Variants in PDE4D observed in about 807,000 individuals in gnomAD.
The protein encoded by PDE4D is 3',5'-cyclic-AMP phosphodiesterase 4D.
PDE4D carries 24 observed loss-of-function variants against 87.4 expected under a neutral mutation model. That is an observed-to-expected ratio of 0.27 (90% CI 0.20 to 0.39). The LOEUF (loss-of-function observed/expected upper bound fraction) is 0.39, where lower values mean the gene tolerates loss of function less well. PDE4D is among the 10% of genes least tolerant of loss of function. The pLI, the probability that PDE4D is intolerant of heterozygous loss-of-function variation, is 1.00. For synonymous variants in PDE4D, 384 were observed against 383.2 expected (o/e 1.00, Z -0.02); for missense variants, 714 against 1,041.0 (o/e 0.69, Z 4.32).
At position 58,972,845 on chromosome 5, in the gene PDE4D, T is replaced by G. The variant is rs1028314647; in HGVS notation, c.*1819A>C. On this transcript the variant is annotated 3_prime_UTR_variant, in exon 15 of 15. Transcript: ENST00000340635. The stretch of plus-strand genomic sequence containing the variant: ...TGGTGCTGAAATCAGCCAAGAGTGA[T>G]CTCTAATTTTTTATTTAACCAGAAT... The G allele has an allele frequency of 2.0e-5, 3 of 151,972 alleles. No individual in the cohort carries two copies. The highest frequency in any genetic ancestry group is 4.4e-5 in the Non-Finnish European group (3 of 67,998). The allele number at this position is 151,972 out of a possible 1,614,324, so 9.4% of individuals were successfully genotyped here. A position where few individuals can be genotyped will look rare whatever the true frequency, so the allele number is the denominator to read the frequency against.
intron 1 of PDE4D, among the ~76,000 whole-genome samples, chr5:59,857,455 A>C (rs892032772): frequency 6.6e-6 from 1 of 152,184 alleles, no homozygotes; most frequent in Non-Finnish European, 1.5e-5. Context: ...AAAATATATG[A>C]AAAAGAATAC....
intron 6 of PDE4D, among the ~76,000 whole-genome samples, chr5:58,996,353 C>T (rs992635431): frequency 6.6e-6 from 1 of 152,124 alleles, no homozygotes; most frequent in African/African-American, 2.4e-5. Flanking sequence ...AAAGCATATT[C>T]CAAAGAAAAG....
chr5:60,432,385 A>C (rs191123491), intron 1 of PDE4D, among the ~76,000 whole-genome samples: 1 of 152,150 alleles, frequency 6.6e-6, no homozygotes, highest in Non-Finnish European at 1.5e-5. Flanking sequence ...GTGTGGTCCA[A>C]GGCTTTTTCT....
intron 2 of PDE4D, among the ~76,000 whole-genome samples, chr5:60,023,091 T>C (rs1481493240): frequency 2.0e-5 from 3 of 152,106 alleles, no homozygotes; most frequent in African/African-American, 7.2e-5. Context: ...ATCCTGACAC[T>C]CACTTGTTTG....
At chr5:59,577,945 G>A (rs1823448209) in intron 1 of PDE4D, among the ~76,000 whole-genome samples, 1 of 152,074 alleles carries the variant, frequency 6.6e-6, no homozygotes, top group African/African-American at 2.4e-5. Flanking sequence ...ATCAGTTCTG[G>A]TTAAAGTCAT....
Position 59,256,107 on chromosome 5 carries a change from G to A in PDE4D, c.456-40139C>T, listed in dbSNP as rs566499586. 2.7e-4 allele frequency among the ~76,000 whole-genome samples: 41 copies of A among 152,222 alleles called. 1 individual carries two copies. The South Asian group carries it at 8.1e-3, about 30-fold the overall frequency. Reference sequence around the variant, plus strand: ...AAAAGATAGACAAGAAATCCTTAAAGTAATGCAGCTAAAGAATATCCCTTA... The same window carrying A: ...AAAAGATAGACAAGAAATCCTTAAAATAATGCAGCTAAAGAATATCCCTTA... On this transcript the variant is annotated intron_variant, in intron 1 of 14. Transcript: ENST00000340635.
chr5:59,463,232 T>C (rs1801045115), intron 1 of PDE4D, among the ~76,000 whole-genome samples: 1 of 152,184 alleles, frequency 6.6e-6, no homozygotes, highest in African/African-American at 2.4e-5. Context: ...TATTGAAACA[T>C]GACGTTTGTT....
At chr5:59,185,140 C>T in intron 4 of PDE4D, 49 bp downstream of exon 4, 8 of 1,453,500 alleles carry the variant, frequency 5.5e-6, no homozygotes, top group Non-Finnish European at 7.7e-6. Flanking sequence ...GTTGAGAAAA[C>T]TTATTTAAAA....
intron 1 of PDE4D, among the ~76,000 whole-genome samples, chr5:59,682,543 G>A (rs1391277219): frequency 6.6e-6 from 1 of 152,186 alleles, no homozygotes; most frequent in Non-Finnish European, 1.5e-5. Context: ...TCAGCAATAT[G>A]ATGGTATTTA....
chr5:59,616,261 A>G (rs1429094039), intron 1 of PDE4D, among the ~76,000 whole-genome samples: 1 of 152,136 alleles, frequency 6.6e-6, no homozygotes, highest in African/African-American at 2.4e-5. Flanking sequence ...TTTTAAAACA[A>G]TATTTTTTAT....
At chr5:59,635,552 G>A (rs775522334) in intron 1 of PDE4D, among the ~76,000 whole-genome samples, 16 of 152,242 alleles carry the variant, frequency 1.1e-4, no homozygotes, top group South Asian at 2.1e-4. Flanking sequence ...CGATCAAGTC[G>A]GCTTCATCCC....
Position 59,015,444 on chromosome 5 carries a change from C to A in PDE4D, c.922-21979G>T, listed in dbSNP as rs1371185907. On this transcript the variant is annotated intron_variant, in intron 6 of 14. Coordinates refer to ENST00000340635, the MANE Select transcript of PDE4D (RefSeq NM_001104631.2). ...ATTTACAAGAAAAAATCAAACAACCCCATCAAAAAGTGGGTGAAGTATATG... is the reference window on the plus strand; with the variant it reads ...ATTTACAAGAAAAAATCAAACAACCACATCAAAAAGTGGGTGAAGTATATG... Among the ~76,000 whole-genome samples, 92 of 152,006 alleles carry A rather than the reference C, an allele frequency of 6.1e-4. 1 individual carries two copies. Among genetic ancestry groups the A allele is most frequent in the Admixed American group, 3.9e-3 (59 of 15,254 alleles).
chr5:60,119,537 C>G (rs1271390919), intron 2 of PDE4D, among the ~76,000 whole-genome samples: 1 of 152,170 alleles, frequency 6.6e-6, no homozygotes, highest in Non-Finnish European at 1.5e-5. Flanking sequence ...ATTAGATTTT[C>G]TGGATTTAAA....
chr5:59,196,141 A>C (rs1407602341), intron 2 of PDE4D, among the ~76,000 whole-genome samples: 1 of 152,226 alleles, frequency 6.6e-6, no homozygotes, highest in Non-Finnish European at 1.5e-5. Context: ...AGTAAAAAGA[A>C]TGTTATCACA....
intron 1 of PDE4D, among the ~76,000 whole-genome samples, chr5:60,213,473 C>T (rs1020479604): frequency 3.3e-5 from 5 of 152,148 alleles, no homozygotes; most frequent in Admixed American, 2.6e-4. Context: ...GGATGATTCT[C>T]TTGAGACCAG....
intron 5 of PDE4D, among the ~76,000 whole-genome samples, chr5:59,162,039 A>G (rs1171532777): frequency 1.3e-5 from 2 of 152,202 alleles, no homozygotes; most frequent in Non-Finnish European, 2.9e-5. Flanking sequence ...GCACAAAGGC[A>G]TTTTAAACAT....
At chr5:60,012,985 T>C (rs1342012975) in intron 2 of PDE4D, among the ~76,000 whole-genome samples, 1 of 152,194 alleles carries the variant, frequency 6.6e-6, no homozygotes, top group African/African-American at 2.4e-5. Context: ...CTCTTGCCTC[T>C]GCGCCCCATA....
intron 6 of PDE4D, among the ~76,000 whole-genome samples, chr5:59,025,814 G>A (rs1756110412): frequency 6.6e-6 from 1 of 152,206 alleles, no homozygotes; most frequent in African/African-American, 2.4e-5. Flanking sequence ...TTGCCTCTTT[G>A]CTATGGACAC....
At chr5:59,489,142 G>A (rs1327232780) in intron 1 of PDE4D, among the ~76,000 whole-genome samples, 1 of 151,864 alleles carries the variant, frequency 6.6e-6, no homozygotes, top group Non-Finnish European at 1.5e-5. Flanking sequence ...AAAATTAGCT[G>A]AGTGTGGTAG....
Sources: allele counts gnomAD v4.1 joint callset (sites outside exome capture counted in the v4.1 genomes callset), GRCh38; gene constraint gnomAD v4.1.1; transcripts MANE v1.5; gene names NCBI Gene and HGNC (gene_info 2026-07-23, HGNC 2026-07-21).